RASGRF2: variants seen among roughly 807,000 people sequenced by gnomAD.
RASGRF2 encodes the protein Ras protein specific guanine nucleotide releasing factor 2.
In RASGRF2, 76 loss-of-function variants were observed where a neutral mutation model predicts 151.0. The ratio of observed to expected loss-of-function variants is 0.50; its 90% CI spans 0.42 to 0.61. The LOEUF is 0.61. Among genes scored for constraint, RASGRF2 ranks in the 20% least tolerant of loss-of-function variants. The probability of loss-of-function intolerance (pLI) is 0.00; values close to 1 mark genes in which losing one functional copy is unlikely to be tolerated. For synonymous variants in RASGRF2, 504 were observed against 566.5 expected (o/e 0.89, Z 1.57); for missense variants, 1,148 against 1,564.6 (o/e 0.73, Z 4.49).
chr5:81,195,613 G>A (rs1755247724), intron 18 of RASGRF2, among the ~76,000 whole-genome samples: 1 of 149,920 alleles, frequency 6.7e-6, no homozygotes, highest in African/African-American at 2.5e-5. Flanking sequence ...GGTAATGTAA[G>A]GTCTTGCTAC....
chr5:80,980,265 A>G (rs116307500), intron 1 of RASGRF2, among the ~76,000 whole-genome samples: 3,140 of 152,194 alleles, frequency 0.021, 118 homozygotes, highest in African/African-American at 0.072. Flanking sequence ...TTGTGTCCCC[A>G]GGGCCCACCA....
At chr5:81,139,342 A>G (rs1561227420) in intron 17 of RASGRF2, among the ~76,000 whole-genome samples, 1 of 151,572 alleles carries the variant, frequency 6.6e-6, no homozygotes, top group Non-Finnish European at 1.5e-5. Context: ...TTCTGTGAAT[A>G]AAGATAGTTT....
intron 9 of RASGRF2, among the ~76,000 whole-genome samples, chr5:81,090,757 T>C (rs1226950470): frequency 6.6e-6 from 1 of 152,228 alleles, no homozygotes; most frequent in Non-Finnish European, 1.5e-5. Flanking sequence ...ATATATGAGC[T>C]AACAGCGTAT....
At chr5:81,127,581 A>T (rs1400616884) in intron 17 of RASGRF2, among the ~76,000 whole-genome samples, 1 of 152,090 alleles carries the variant, frequency 6.6e-6, no homozygotes, top group African/African-American at 2.4e-5. Flanking sequence ...GCTCTTTCTG[A>T]GTCAGTGCTT....
At chr5:81,185,990 A>G (rs138598011) in intron 18 of RASGRF2, among the ~76,000 whole-genome samples, 1,560 of 152,344 alleles carry the variant, frequency 0.01, 35 homozygotes, top group African/African-American at 0.036. Flanking sequence ...CCATTTGATG[A>G]TTCCGTTATT....
At chr5:81,134,099 TGTGTGTGTGTGA>T (rs890652062) in intron 17 of RASGRF2, among the ~76,000 whole-genome samples, 8 of 151,548 alleles carry the variant, frequency 5.3e-5, no homozygotes, top group African/African-American at 1.9e-4. Flanking sequence ...TGTGTGTGTG[TGTGTGTGTGTGA>T]GTGAATATTT....
intron 2 of RASGRF2, among the ~76,000 whole-genome samples, chr5:81,059,476 T>C (rs1029084353): frequency 6.6e-6 from 1 of 151,852 alleles, no homozygotes; most frequent in African/African-American, 2.4e-5. Context: ...TTTCTATTGA[T>C]CTACGTGATT....
intron 1 of RASGRF2, among the ~76,000 whole-genome samples, chr5:81,029,880 A>G (rs1464623076): frequency 6.6e-6 from 1 of 152,216 alleles, no homozygotes; most frequent in Non-Finnish European, 1.5e-5. Context: ...GTTTGAACCC[A>G]ACACAAAGAA....
intron 17 of RASGRF2, 90 bp from the exon 18 acceptor site, chr5:81,180,085 G>A (rs1294231030): frequency 2.8e-5 from 20 of 724,138 alleles, no homozygotes; most frequent in Admixed American, 4.0e-5. Context: ...TGTGAGTTTC[G>A]TTAACCAATG....
intron 17 of RASGRF2, among the ~76,000 whole-genome samples, chr5:81,157,446 T>G (rs963433029): frequency 6.6e-6 from 1 of 151,880 alleles, no homozygotes; most frequent in Non-Finnish European, 1.5e-5. Context: ...CTGAGAGACA[T>G]TAGTGGAGAG....
At position 81,113,013 on chromosome 5, in the gene RASGRF2, T is replaced by C. The variant is rs1459684418; in HGVS notation, c.2087+155T>C. The stretch of plus-strand genomic sequence containing the variant: ...CATGCCCCTCCAGCAGAAGGCCATA[T>C]GTAAAGGTCACACAGAGTTCCCCAG... On this transcript the variant is annotated intron_variant, in intron 14 of 26. Transcript: ENST00000265080. Among the ~76,000 whole-genome samples the C allele has an allele frequency of 6.6e-5, 10 of 152,314 alleles. No individual in the cohort carries two copies. In the South Asian group the frequency reaches 1.0e-3, roughly 16 times the overall value.
At chr5:81,109,099 C>A (rs1393898728) in intron 13 of RASGRF2, 21 bp downstream of exon 13, 1 of 1,594,820 alleles carries the variant, frequency 6.3e-7, no homozygotes, top group Non-Finnish European at 8.6e-7. Flanking sequence ...GAATCCTTTC[C>A]TTTACATTTT....
intron 2 of RASGRF2, among the ~76,000 whole-genome samples, chr5:81,047,658 T>C (rs1750879958): frequency 6.6e-6 from 1 of 152,244 alleles, no homozygotes; most frequent in Non-Finnish European, 1.5e-5. Flanking sequence ...AGTCAGATGG[T>C]GTTTGGCAAG....
rs16878494 is a variant in RASGRF2, at chr5:81,166,052, A to C, written c.2687-14123A>C. Among the ~76,000 whole-genome samples the C allele has an allele frequency of 4.1e-3, 632 of 152,304 alleles. 3 individuals are homozygous for C. Among genetic ancestry groups the C allele is most frequent in the African/African-American group, 0.015 (611 of 41,560 alleles). ...TAGTCTATTTCCATTCAGGGGCCTT[A>C]TGTAAACTCATAGATGCAGTCAGGT... is the stretch of plus-strand genomic sequence containing the variant. On this transcript the variant is annotated intron_variant, in intron 17 of 26. Transcript: ENST00000265080.
chr5:81,086,747 G>A (rs568787551), intron 8 of RASGRF2, 88 bp from the exon 9 acceptor site: 3 of 1,074,532 alleles, frequency 2.8e-6, no homozygotes, highest in Middle Eastern at 2.1e-4. Context: ...GCTTGCAACC[G>A]AGCTTCTCAG....
intron 12 of RASGRF2, among the ~76,000 whole-genome samples, chr5:81,095,238 C>T (rs1334195420): frequency 6.6e-6 from 1 of 152,080 alleles, no homozygotes; most frequent in East Asian, 1.9e-4. Flanking sequence ...GCATTTTACA[C>T]CAGCAGCAAA....
intron 2 of RASGRF2, among the ~76,000 whole-genome samples, chr5:81,063,456 A>C (rs1751503135): frequency 6.6e-6 from 1 of 152,176 alleles, no homozygotes; most frequent in Admixed American, 6.5e-5. Context: ...CATGTTGGCC[A>C]GGCTAGTTTC....
At chr5:81,022,206 T>C (rs2112339111) in intron 1 of RASGRF2, among the ~76,000 whole-genome samples, 1 of 152,296 alleles carries the variant, frequency 6.6e-6, no homozygotes, top group Non-Finnish European at 1.5e-5. Flanking sequence ...TGACTAACTA[T>C]GATTCTGCCC....
intron 24 of RASGRF2, among the ~76,000 whole-genome samples, chr5:81,216,206 C>T (rs1755732241): frequency 1.3e-5 from 2 of 152,048 alleles, no homozygotes; most frequent in South Asian, 2.1e-4. Context: ...CATAATAAAT[C>T]GGACTATCTT....
Sources: allele counts gnomAD v4.1 joint callset (sites outside exome capture counted in the v4.1 genomes callset), GRCh38; gene constraint gnomAD v4.1.1; transcripts MANE v1.5; gene names NCBI Gene and HGNC (gene_info 2026-07-23, HGNC 2026-07-21).